The following BLTP1 variants were observed in gnomAD, a reference collection of about 807,000 sequenced individuals.
BLTP1 encodes the protein bridge-like lipid transfer protein family member 1.
chr4:122,263,540 CGAG>C, the BLTP1 span: 5 of 1,612,868 alleles, frequency 3.1e-6, no homozygotes, highest in Non-Finnish European at 4.2e-6. Flanking sequence ...TGTGGGTAAT[CGAG>C]GAAGTGTGTT....
the BLTP1 span, chr4:122,348,650 GTGTT>G: frequency 6.2e-7 from 1 of 1,612,456 alleles, no homozygotes; most frequent in Non-Finnish European, 8.5e-7. Flanking sequence ...AACACTTGTC[GTGTT>G]TGCTATCAAC....
the BLTP1 span, among the ~76,000 whole-genome samples, chr4:122,218,419 C>G: frequency 6.6e-6 from 1 of 152,084 alleles, no homozygotes; most frequent in Non-Finnish European, 1.5e-5. Flanking sequence ...GTTTTGTGAG[C>G]CGGTAGGTTT....
At chr4:122,257,286 A>G in the BLTP1 span, 1 of 1,613,896 alleles carries the variant, frequency 6.2e-7, no homozygotes, top group Non-Finnish European at 8.5e-7. Flanking sequence ...GTAACTTTGA[A>G]GAAAGGTTTA....
the BLTP1 span, chr4:122,174,353 G>A: frequency 2.0e-6 from 2 of 982,742 alleles, no homozygotes; most frequent in Admixed American, 6.2e-5. Context: ...ATCCTCTTCA[G>A]GTTATTTAGT....
chr4:122,325,432 A>G, the BLTP1 span: 1,856 of 1,396,506 alleles, frequency 1.3e-3, 12 homozygotes, highest in African/African-American at 0.025. Flanking sequence ...TAATCAAAGT[A>G]TGGATTGTGA....
At chr4:122,349,581 C>T in the BLTP1 span, 4 of 1,611,390 alleles carry the variant, frequency 2.5e-6, no homozygotes, top group Admixed American at 6.7e-5. This position sits in a 1 kb window ranked among gnomAD's most constrained non-coding sequence, Gnocchi z 4.5. Flanking sequence ...TGATCTTAAG[C>T]TTCAGGATGA....
the BLTP1 span, chr4:122,201,045 A>G: frequency 1.2e-6 from 2 of 1,613,674 alleles, no homozygotes; most frequent in East Asian, 2.2e-5. Context: ...AATATGGAAC[A>G]TGCCGCAGAC....
At chr4:122,317,149 T>C in the BLTP1 span, among the ~76,000 whole-genome samples, 1 of 151,962 alleles carries the variant, frequency 6.6e-6, no homozygotes, top group Non-Finnish European at 1.5e-5. Flanking sequence ...CTGGGTGACA[T>C]GGTGAAACCC....
chr4:122,346,089 T>C, the BLTP1 span: 12 of 767,038 alleles, frequency 1.6e-5, no homozygotes, highest in Middle Eastern at 6.6e-4. Flanking sequence ...GTGGGAGTCA[T>C]TGGCATGTAA....
chr4:122,331,271 G>C, the BLTP1 span: 1 of 1,527,742 alleles, frequency 6.5e-7, no homozygotes, highest in Non-Finnish European at 8.8e-7. Flanking sequence ...AAAATAGTTT[G>C]TTAAAAAGAA....
chr4:122,179,832 C>A, the BLTP1 span: 1 of 984,922 alleles, frequency 1.0e-6, no homozygotes. Flanking sequence ...CTCACTGTAT[C>A]CCCCTCACAG....
At chr4:122,339,534 A>G in the BLTP1 span, 4 of 676,618 alleles carry the variant, frequency 5.9e-6, no homozygotes, top group Non-Finnish European at 4.4e-6. Flanking sequence ...AGGATTATTT[A>G]TAGAAAGAAA....
the BLTP1 span, among the ~76,000 whole-genome samples, chr4:122,290,155 A>G: frequency 6.6e-6 from 1 of 152,184 alleles, no homozygotes; most frequent in Non-Finnish European, 1.5e-5. Flanking sequence ...TTCTGGTTGT[A>G]TCTGAGGTCA....
the BLTP1 span, chr4:122,316,426 C>G: frequency 6.3e-6 from 3 of 479,318 alleles, no homozygotes; most frequent in Admixed American, 2.3e-5. Flanking sequence ...CCTACTAGGC[C>G]TGACACCCCC....
At chr4:122,257,238 C>G in the BLTP1 span, 1 of 1,611,344 alleles carries the variant, frequency 6.2e-7, no homozygotes, top group Non-Finnish European at 8.5e-7. Flanking sequence ...CTTCTAACCA[C>G]ATGATTATTG....
At chr4:122,344,929 T>C in the BLTP1 span, 1 of 985,320 alleles carries the variant, frequency 1.0e-6, no homozygotes. Context: ...TTACTTGATG[T>C]CAGAAAACCT....
the BLTP1 span, among the ~76,000 whole-genome samples, chr4:122,335,103 T>A: frequency 3.3e-5 from 5 of 151,884 alleles, no homozygotes; most frequent in African/African-American, 1.2e-4. Flanking sequence ...AACATCTGCC[T>A]CCATCATGTC....
chr4:122,357,311 C>G, the BLTP1 span, among the ~76,000 whole-genome samples: 3 of 151,906 alleles, frequency 2.0e-5, no homozygotes, highest in African/African-American at 4.8e-5. Context: ...GTCTGTAATA[C>G]CAGCACTTTG....
the BLTP1 span, chr4:122,221,033 T>C: frequency 5.2e-6 from 5 of 961,892 alleles, no homozygotes; most frequent in Non-Finnish European, 6.2e-6. Flanking sequence ...GCCAAATGGC[T>C]TTCTGTGGCA....
Sources: gnomAD v4.1 joint callset for allele counts (sites outside exome capture counted in the v4.1 genomes callset) on GRCh38, gnomAD v4.1.1 for gene constraint, Gnocchi (gnomAD v3.1) non-coding constraint, MANE v1.5 for transcripts, NCBI Gene and HGNC (gene_info 2026-07-23, HGNC 2026-07-21) for gene names.